Variants in EYS observed in about 807,000 individuals in gnomAD.
The protein encoded by EYS is EGF-like photoreceptor maintenance factor, also known as protein eyes shut homolog.
EYS carries 250 observed loss-of-function variants against 282.1 expected under a neutral mutation model. That is an observed-to-expected ratio of 0.89 (90% CI 0.80 to 0.98). The LOEUF (loss-of-function observed/expected upper bound fraction) is 0.98, where lower values mean the gene tolerates loss of function less well. Among genes scored for constraint, EYS ranks in the 50% least tolerant of loss-of-function variants. EYS has a pLI of 0.00. For missense variants in EYS, 4,016 were observed against 3,709.0 expected (o/e 1.08, Z -2.15); for synonymous variants, 1,355 against 1,282.9 (o/e 1.06, Z -1.20).
At position 64,237,541 on chromosome 6, in the gene EYS, G is replaced by C. The variant is rs974952673; in HGVS notation, c.6192-6717C>G. On this transcript the variant is annotated intron_variant, in intron 30 of 42. Coordinates refer to ENST00000503581, the MANE Select transcript of EYS (RefSeq NM_001142800.2). ...TGCCAGGTGTTCAGTTTTCACACAG[G>C]GTAACTTAAAACAACTAGTGATGTC... Among the ~76,000 whole-genome samples, 55 of 151,932 alleles carry C rather than the reference G, an allele frequency of 3.6e-4. 1 individual carries two copies. Among genetic ancestry groups the C allele is most frequent in the African/African-American group, 1.3e-3 (54 of 41,372 alleles).
intron 2 of EYS, among the ~76,000 whole-genome samples, chr6:65,505,586 A>C (rs1032084381): frequency 6.6e-6 from 1 of 152,060 alleles, no homozygotes; most frequent in African/African-American, 2.4e-5. Context: ...TGGTTTGACC[A>C]GTTATAGTTT....
intron 37 of EYS, among the ~76,000 whole-genome samples, chr6:63,802,231 T>C (rs1770798625): frequency 6.6e-6 from 1 of 152,220 alleles, no homozygotes; most frequent in Admixed American, 6.5e-5. Flanking sequence ...CCTTAGTCCA[T>C]ACTTGCATGT....
At position 65,221,018 on chromosome 6, in the gene EYS, C is replaced by T. The variant is rs189183001; in HGVS notation, c.2023+74845G>A. Among the ~76,000 whole-genome samples the T allele has an allele frequency of 6.2e-4, 94 of 152,214 alleles. 1 individual carries two copies. The highest frequency in any genetic ancestry group is 9.9e-4 in the Non-Finnish European group (67 of 68,010). On this transcript the variant is annotated intron_variant, in intron 12 of 42. Coordinates refer to ENST00000503581, the MANE Select transcript of EYS (RefSeq NM_001142800.2). ...TCTGGCAGAAGAAACTTCTAAGCAG[C>T]AAAGTGTTCAAGAAGTGACTTGGGT...
chr6:65,689,031 C>A (rs113301179), intron 1 of EYS, among the ~76,000 whole-genome samples: 7,700 of 150,182 alleles, frequency 0.051, 730 homozygotes, highest in East Asian at 0.24. Flanking sequence ...TGGGTATATA[C>A]CCAAAGGATT....
chr6:64,760,070 A>G (rs1773109167), intron 22 of EYS, among the ~76,000 whole-genome samples: 1 of 152,178 alleles, frequency 6.6e-6, no homozygotes, highest in South Asian at 2.1e-4. Context: ...TGTTTTTAAA[A>G]TATATTTTAC....
intron 12 of EYS, among the ~76,000 whole-genome samples, chr6:65,150,157 C>A (rs1395316204): frequency 6.6e-6 from 1 of 151,956 alleles, no homozygotes; most frequent in East Asian, 1.9e-4. Context: ...GGGAGCACAG[C>A]CAAGCCATAT....
At chr6:64,661,714 A>T (rs1267948760) in intron 22 of EYS, among the ~76,000 whole-genome samples, 2 of 142,642 alleles carry the variant, frequency 1.4e-5, no homozygotes, top group Middle Eastern at 3.3e-3. Flanking sequence ...AATGGTGATC[A>T]TTAAAAAGTC....
chr6:63,856,591 C>A (rs182810116), intron 36 of EYS, among the ~76,000 whole-genome samples: 130 of 152,214 alleles, frequency 8.5e-4, no homozygotes, highest in African/African-American at 3.1e-3. Flanking sequence ...TAAAAATCTG[C>A]AAACTAATTT....
chr6:64,553,278 T>C (rs929618648), intron 26 of EYS, among the ~76,000 whole-genome samples: 1 of 152,180 alleles, frequency 6.6e-6, no homozygotes, highest in Non-Finnish European at 1.5e-5. Flanking sequence ...ATCATGAGCA[T>C]AGTAAGCGAT....
At chr6:64,960,261 G>A (rs1769866934) in intron 14 of EYS, among the ~76,000 whole-genome samples, 1 of 151,892 alleles carries the variant, frequency 6.6e-6, no homozygotes, top group Admixed American at 6.6e-5. Flanking sequence ...AGTAATCTTT[G>A]ATTATGTAGA....
intron 14 of EYS, among the ~76,000 whole-genome samples, chr6:64,971,623 G>A (rs1770296254): frequency 6.6e-6 from 1 of 152,096 alleles, no homozygotes; most frequent in African/African-American, 2.4e-5. Context: ...TTTTGATAGT[G>A]GACATGCCCC....
chr6:65,631,240 C>T (rs1766899450), intron 2 of EYS, among the ~76,000 whole-genome samples: 1 of 152,122 alleles, frequency 6.6e-6, no homozygotes, highest in Admixed American at 6.5e-5. Flanking sequence ...CTTCTGGACA[C>T]AAGGTAGTTG....
At chr6:65,670,918 T>A (rs1010593814) in intron 1 of EYS, among the ~76,000 whole-genome samples, 1 of 151,910 alleles carries the variant, frequency 6.6e-6, no homozygotes, top group African/African-American at 2.4e-5. Flanking sequence ...CTATATTTCT[T>A]TTCACCGAGA....
intron 12 of EYS, among the ~76,000 whole-genome samples, chr6:65,277,729 T>C (rs986290895): frequency 5.9e-5 from 9 of 152,194 alleles, no homozygotes; most frequent in African/African-American, 2.2e-4. Flanking sequence ...TCAATGACTT[T>C]ACCTCCTTTT....
At chr6:64,535,302 C>T (rs1764483531) in intron 26 of EYS, among the ~76,000 whole-genome samples, 1 of 152,126 alleles carries the variant, frequency 6.6e-6, no homozygotes, top group Admixed American at 6.5e-5. Flanking sequence ...GATTAATATA[C>T]TCCTGAAATA....
At chr6:63,730,105 G>C (rs968199920) in intron 41 of EYS, among the ~76,000 whole-genome samples, 1 of 152,098 alleles carries the variant, frequency 6.6e-6, no homozygotes, top group African/African-American at 2.4e-5. Flanking sequence ...TAGAAACTTG[G>C]TAATCAATTT....
intron 12 of EYS, among the ~76,000 whole-genome samples, chr6:65,082,177 C>T (rs1774246641): frequency 6.6e-6 from 1 of 152,038 alleles, no homozygotes; most frequent in Non-Finnish European, 1.5e-5. Flanking sequence ...ATTTTCCTAA[C>T]ATAAATGATC....
intron 2 of EYS, among the ~76,000 whole-genome samples, chr6:65,507,529 G>A (rs190379667): frequency 2.0e-5 from 3 of 151,962 alleles, no homozygotes; most frequent in South Asian, 4.1e-4. Flanking sequence ...TTTCAGCTCT[G>A]TTCTCTTTCT....
chr6:65,086,824 A>AT (rs1420809406), intron 12 of EYS, among the ~76,000 whole-genome samples: 1 of 151,692 alleles, frequency 6.6e-6, no homozygotes, highest in Non-Finnish European at 1.5e-5. Flanking sequence ...GTAAATATGT[A>AT]TATGTGGGTT....
Sources: gnomAD v4.1 joint callset for allele counts (sites outside exome capture counted in the v4.1 genomes callset) on GRCh38, gnomAD v4.1.1 for gene constraint, MANE v1.5 for transcripts, NCBI Gene and HGNC (gene_info 2026-07-23, HGNC 2026-07-21) for gene names.